Variants in MALRD1 observed in about 807,000 individuals in gnomAD.
MALRD1 encodes MAM and LDL-receptor class A domain-containing protein 1.
In MALRD1, 247 loss-of-function variants were observed where a neutral mutation model predicts 242.1. The ratio of observed to expected loss-of-function variants is 1.02; its 90% CI spans 0.92 to 1.13. The LOEUF is 1.13. Ranked by LOEUF, MALRD1 falls within the 50% of genes most tolerant of loss-of-function variation. The pLI, the probability that MALRD1 is intolerant of heterozygous loss-of-function variation, is 0.00. For synonymous variants in MALRD1, 995 were observed against 866.6 expected, an observed-to-expected ratio of 1.15 and a Z score of -2.60; for missense variants, 2,989 against 2,533.1, an observed-to-expected ratio of 1.18 and a Z score of -3.86.
chr10:19,490,795 AT>A (rs527629801), intron 29 of MALRD1, among the ~76,000 whole-genome samples: 1 of 152,140 alleles, frequency 6.6e-6, no homozygotes, highest in Non-Finnish European at 1.5e-5. Context: ...TGGCTTGACT[AT>A]TTTTTTATAC....
At chr10:19,195,352 T>C (rs1836189630) in intron 14 of MALRD1, among the ~76,000 whole-genome samples, 1 of 152,182 alleles carries the variant, frequency 6.6e-6, no homozygotes. Context: ...TTTGCTTCTT[T>C]TTCTTTCTGG....
intron 32 of MALRD1, among the ~76,000 whole-genome samples, chr10:19,550,715 T>G (rs1466865336): frequency 6.6e-6 from 1 of 152,200 alleles, no homozygotes; most frequent in Non-Finnish European, 1.5e-5. Flanking sequence ...ATGGTGTGTA[T>G]GTACCACATT....
At chr10:19,289,043 A>T (rs2131911462) in intron 21 of MALRD1, among the ~76,000 whole-genome samples, 1 of 151,850 alleles carries the variant, frequency 6.6e-6, no homozygotes, top group South Asian at 2.1e-4. Context: ...ATATGTTTTA[A>T]TTTTTAAAGT....
At chr10:19,358,195 AGTGTGTGTGTGTGTGT>A (rs776862926) in intron 26 of MALRD1, among the ~76,000 whole-genome samples, 3 of 145,574 alleles carry the variant, frequency 2.1e-5, no homozygotes, top group Non-Finnish European at 4.5e-5. Context: ...GCAGGAGTCA[AGTGTGTGTGTGTGTGT>A]GTGTGTGTGT....
chr10:19,337,851 A>C (rs1249781338), intron 24 of MALRD1, among the ~76,000 whole-genome samples: 1 of 152,028 alleles, frequency 6.6e-6, no homozygotes, highest in Admixed American at 6.6e-5. Flanking sequence ...TCATGAGGTC[A>C]GGAGATCAAG....
chr10:19,456,895 C>T (rs1381159719), intron 29 of MALRD1, among the ~76,000 whole-genome samples: 2 of 151,796 alleles, frequency 1.3e-5, no homozygotes, highest in Non-Finnish European at 2.9e-5. Context: ...GCCTCAGCCT[C>T]GTGAGTAGCC....
At chr10:19,721,889 C>G (rs1834774266) in intron 38 of MALRD1, 1 of 152,226 alleles carries the variant, frequency 6.6e-6, no homozygotes, top group Admixed American at 6.5e-5. Context: ...TTACTCCTGA[C>G]CCACTTAATG....
chr10:19,626,308 T>A (rs1020690025), intron 36 of MALRD1, among the ~76,000 whole-genome samples: 4 of 151,354 alleles, frequency 2.6e-5, no homozygotes, highest in African/African-American at 9.7e-5. Context: ...TTTTTTTTTT[T>A]TTTTTTAAGT....
intron 38 of MALRD1, among the ~76,000 whole-genome samples, chr10:19,729,226 G>C (rs1276030140): frequency 6.6e-6 from 1 of 152,200 alleles, no homozygotes; most frequent in Admixed American, 6.5e-5. Flanking sequence ...CTTTGAAAAG[G>C]ACCATGTGGT....
At chr10:19,725,221 C>G (rs7073117) in intron 38 of MALRD1, among the ~76,000 whole-genome samples, 58,512 of 152,044 alleles carry the variant, frequency 0.38, 12,391 homozygotes, top group South Asian at 0.49. Flanking sequence ...CCATAATCCC[C>G]ACAAGCCGTG....
At chr10:19,176,161 A>G (rs1835221206) in intron 14 of MALRD1, among the ~76,000 whole-genome samples, 1 of 152,028 alleles carries the variant, frequency 6.6e-6, no homozygotes, top group Non-Finnish European at 1.5e-5. Context: ...GCATATGAAA[A>G]TCAGACATAC....
At chr10:19,601,083 G>T (rs2131576447) in intron 34 of MALRD1, among the ~76,000 whole-genome samples, 1 of 152,078 alleles carries the variant, frequency 6.6e-6, no homozygotes, top group South Asian at 2.1e-4. Context: ...GGTCTTGCTA[G>T]GTGGCTCAGG....
intron 26 of MALRD1, among the ~76,000 whole-genome samples, chr10:19,384,426 C>A (rs1845978925): frequency 1.9e-5 from 2 of 107,588 alleles, no homozygotes; most frequent in Admixed American, 1.3e-4. Context: ...ATAATATTTA[C>A]CATATATTAT....
At chr10:19,176,559 A>G (rs919382792) in intron 14 of MALRD1, among the ~76,000 whole-genome samples, 1 of 149,074 alleles carries the variant, frequency 6.7e-6, no homozygotes, top group Non-Finnish European at 1.5e-5. Flanking sequence ...TATTTTTAGT[A>G]GAGACGGGGT....
At chr10:19,260,947 G>A (rs1421727741) in intron 19 of MALRD1, among the ~76,000 whole-genome samples, 1 of 152,130 alleles carries the variant, frequency 6.6e-6, no homozygotes, top group Non-Finnish European at 1.5e-5. Context: ...GATATAAGTA[G>A]TGTGGATGAG....
At chr10:19,667,697 C>T (rs527497899) in intron 36 of MALRD1, among the ~76,000 whole-genome samples, 24 of 152,116 alleles carry the variant, frequency 1.6e-4, no homozygotes, top group Non-Finnish European at 2.2e-4. Flanking sequence ...TTGAAAGCTC[C>T]CTGAGGCTTC....
chr10:19,552,447 T>A (rs990547907), intron 32 of MALRD1, among the ~76,000 whole-genome samples: 6 of 152,156 alleles, frequency 3.9e-5, no homozygotes, highest in African/African-American at 1.4e-4. Flanking sequence ...TTGTGTTTAT[T>A]TGAATCTTCT....
At chr10:19,080,615 A>G (rs1468022856) in intron 2 of MALRD1, among the ~76,000 whole-genome samples, 1 of 152,068 alleles carries the variant, frequency 6.6e-6, no homozygotes, top group African/African-American at 2.4e-5. Context: ...ACAAAAATTA[A>G]TTCAAGATGG....
At chr10:19,230,118 C>T (rs1446246869) in intron 18 of MALRD1, among the ~76,000 whole-genome samples, 1 of 152,222 alleles carries the variant, frequency 6.6e-6, no homozygotes, top group African/African-American at 2.4e-5. Context: ...ACGTGCCTTT[C>T]GCCTTCTGCT....
Sources: gnomAD v4.1 joint callset for allele counts (sites outside exome capture counted in the v4.1 genomes callset) on GRCh38, gnomAD v4.1.1 for gene constraint, MANE v1.5 for transcripts, NCBI Gene and HGNC (gene_info 2026-07-23, HGNC 2026-07-21) for gene names.